The following GLIS3 variants were observed in gnomAD, a reference collection of about 807,000 sequenced individuals.
GLIS3 encodes zinc finger protein GLIS3.
A neutral mutation model predicts 78.6 loss-of-function variants in GLIS3; 53 were observed. The ratio of observed to expected loss-of-function variants is 0.67; its 90% CI spans 0.54 to 0.85. The LOEUF (loss-of-function observed/expected upper bound fraction) is 0.85, where lower values mean the gene tolerates loss of function less well. Among genes scored for constraint, GLIS3 ranks in the 40% least tolerant of loss-of-function variants. The pLI is 0.00. For synonymous variants in GLIS3, 684 were observed against 509.9 expected, an observed-to-expected ratio of 1.34 and a Z score of -4.60; for missense variants, 1,703 against 1,231.1, an observed-to-expected ratio of 1.38 and a Z score of -5.74.
intron 2 of GLIS3, among the ~76,000 whole-genome samples, chr9:4,344,141 C>A (rs1344703433): frequency 6.6e-6 from 1 of 152,286 alleles, no homozygotes; most frequent in East Asian, 1.9e-4. Context: ...CTCTTCCATC[C>A]CTTTCCATCT....
At chr9:4,043,405 G>A (rs533296796) in intron 4 of GLIS3, among the ~76,000 whole-genome samples, 1 of 152,208 alleles carries the variant, frequency 6.6e-6, no homozygotes, top group South Asian at 2.1e-4. Context: ...TGAGGGTGGG[G>A]AGCAGTTCTG....
chr9:3,898,696 T>C lies in GLIS3; in HGVS notation c.2123A>G (p.Tyr708Cys). Residue 708 changes from tyrosine to cysteine, a missense_variant, in exon 7 of 11, where the codon TAT (tyrosine) becomes TGT (cysteine). Tyr to Cys is a radical substitution (Grantham distance 194). Transcript: ENST00000381971. ...TCTGCCTTTGCTGTCTTTACCTGAA[T>C]AGAGGTCAGGCCCGGGTCCAGGGGA... ...GRSPGPGPDL[Y>C]SAPIFSSNYS... 6.2e-7 allele frequency: 1 copy of C among 1,614,038 alleles called. No homozygotes were observed.
intron 2 of GLIS3, among the ~76,000 whole-genome samples, chr9:4,142,115 C>T (rs1189193278): frequency 6.6e-6 from 1 of 152,188 alleles, no homozygotes; most frequent in Non-Finnish European, 1.5e-5. Flanking sequence ...AACCCAAATT[C>T]TTTCCCATCA....
chr9:3,937,255 T>TAA, intron 4 of GLIS3, 66 bp from the exon 5 acceptor site: 2 of 1,421,668 alleles, frequency 1.4e-6, no homozygotes, highest in South Asian at 1.3e-5. Context: ...GGGGGACAGC[T>TAA]AAAAAAAAAA....
chr9:4,220,399 T>C (rs1821220870), intron 2 of GLIS3, among the ~76,000 whole-genome samples: 1 of 152,222 alleles, frequency 6.6e-6, no homozygotes, highest in African/African-American at 2.4e-5. Context: ...TCTTTATTAA[T>C]TAACTTCACA....
At chr9:4,089,821 C>A (rs1829342682) in intron 4 of GLIS3, among the ~76,000 whole-genome samples, 2 of 152,098 alleles carry the variant, frequency 1.3e-5, no homozygotes, top group Non-Finnish European at 2.9e-5. Context: ...CTGACAAAAA[C>A]AACAACAAAA....
chr9:4,190,701 G>C (rs1325445133), intron 2 of GLIS3, among the ~76,000 whole-genome samples: 1 of 152,012 alleles, frequency 6.6e-6, no homozygotes, highest in Non-Finnish European at 1.5e-5. Flanking sequence ...GATACTCCTC[G>C]AGAAGAGCAA....
intron 4 of GLIS3, among the ~76,000 whole-genome samples, chr9:4,077,421 GGA>G (rs1828171567): frequency 6.6e-6 from 1 of 152,100 alleles, no homozygotes; most frequent in African/African-American, 2.4e-5. Flanking sequence ...GACAGGAGAG[GGA>G]CTGGGCATAG....
At chr9:3,944,549 T>C (rs1418603491) in intron 4 of GLIS3, among the ~76,000 whole-genome samples, 1 of 151,780 alleles carries the variant, frequency 6.6e-6, no homozygotes, top group Non-Finnish European at 1.5e-5. Context: ...TGCCTGGAGG[T>C]TGTGTAAACA....
intron 6 of GLIS3, among the ~76,000 whole-genome samples, chr9:3,919,366 C>T (rs980883365): frequency 6.6e-6 from 1 of 152,138 alleles, no homozygotes; most frequent in African/African-American, 2.4e-5. Context: ...GTCTCTGAAC[C>T]TGAGGTCTTT....
chr9:3,946,111 T>A (rs1022821587), intron 4 of GLIS3, among the ~76,000 whole-genome samples: 1 of 152,238 alleles, frequency 6.6e-6, no homozygotes, highest in African/African-American at 2.4e-5. Context: ...CCTTTAGGCT[T>A]CTGCCAAGGC....
intron 4 of GLIS3, among the ~76,000 whole-genome samples, chr9:4,115,416 G>A (rs539601939): frequency 5.9e-5 from 9 of 152,262 alleles, no homozygotes; most frequent in African/African-American, 1.9e-4. Flanking sequence ...CAGATTTGAA[G>A]TCAGTGGGAT....
chr9:4,114,878 T>C (rs1291071939), intron 4 of GLIS3, among the ~76,000 whole-genome samples: 1 of 152,190 alleles, frequency 6.6e-6, no homozygotes, highest in Non-Finnish European at 1.5e-5. Flanking sequence ...CTTCTTCCAG[T>C]AAGTTAACCA....
At position 4,328,417 on chromosome 9, in the gene GLIS3, C is replaced by T. The variant is rs368303393; in HGVS notation, n.265-17889G>A. Among the ~76,000 whole-genome samples, 29 of 152,282 alleles carry T rather than the reference C, an allele frequency of 1.9e-4. No homozygotes were observed. The East Asian group carries it at 2.5e-3, about 13-fold the overall frequency. ...CAGAGAGTCAGGAAAACAGGGAGCACTAAGTGGAATCCATGGATGCTCAAC... is the reference window on the plus strand; with the variant it reads ...CAGAGAGTCAGGAAAACAGGGAGCATTAAGTGGAATCCATGGATGCTCAAC... On this transcript the variant is annotated intron_variant and non_coding_transcript_variant, in intron 2 of 4. Coordinates refer to the GLIS3 transcript ENST00000471664.
the GLIS3 span, among the ~76,000 whole-genome samples, chr9:4,419,610 T>G: frequency 3.3e-5 from 5 of 152,118 alleles, no homozygotes; most frequent in South Asian, 1.0e-3. Flanking sequence ...TGAAACCCCA[T>G]CTCTACTAAA....
chr9:4,040,917 T>C (rs946167563), intron 4 of GLIS3, among the ~76,000 whole-genome samples: 1 of 152,136 alleles, frequency 6.6e-6, no homozygotes, highest in African/African-American at 2.4e-5. Flanking sequence ...GGAAACTTGT[T>C]TGAAATACAA....
intron 4 of GLIS3, among the ~76,000 whole-genome samples, chr9:3,978,843 G>A (rs1819006576): frequency 6.6e-6 from 1 of 151,990 alleles, no homozygotes; most frequent in Admixed American, 6.6e-5. Flanking sequence ...AGTTCCACAT[G>A]TGCACAAAAC....
chr9:4,099,604 GT>G (rs1206236067), intron 4 of GLIS3, among the ~76,000 whole-genome samples: 10 of 152,146 alleles, frequency 6.6e-5, no homozygotes, highest in Admixed American at 5.9e-4. Flanking sequence ...GGTACTGGGG[GT>G]GATGACTTCA....
At chr9:4,079,917 A>T (rs1828408869) in intron 4 of GLIS3, among the ~76,000 whole-genome samples, 1 of 152,220 alleles carries the variant, frequency 6.6e-6, no homozygotes, top group Non-Finnish European at 1.5e-5. Context: ...AGAAGAAATA[A>T]GAAAAAGGTA....
Sources: allele counts gnomAD v4.1 joint callset (sites outside exome capture counted in the v4.1 genomes callset), GRCh38; gene constraint gnomAD v4.1.1; transcripts MANE v1.5; gene names NCBI Gene and HGNC (gene_info 2026-07-23, HGNC 2026-07-21).